Variants in SATB2 observed in about 807,000 individuals in gnomAD.
SATB2 encodes the protein DNA-binding protein SATB2.
A neutral mutation model predicts 73.4 loss-of-function variants in SATB2; 1 was observed. The observed-to-expected ratio is 0.01, with a 90% confidence interval of 0.00 to 0.06. The LOEUF (loss-of-function observed/expected upper bound fraction) is 0.06, where lower values mean the gene tolerates loss of function less well. Ranked by LOEUF, SATB2 falls within the 10% of genes least tolerant of loss-of-function variation. SATB2 has a pLI of 1.00. For synonymous variants in SATB2, 397 were observed against 367.0 expected, an observed-to-expected ratio of 1.08 and a Z score of -0.93; for missense variants, 459 against 945.8, an observed-to-expected ratio of 0.49 and a Z score of 6.75.
intron 7 of SATB2, chr2:199,347,359 C>G (rs1688684321): frequency 6.6e-6 from 1 of 152,154 alleles, no homozygotes; most frequent in African/African-American, 2.4e-5. Context: ...GGGTTTTTCT[C>G]AGAAATCAGT....
At chr2:199,295,948 G>T (rs959530912) in intron 10 of SATB2, among the ~76,000 whole-genome samples, 2 of 152,106 alleles carry the variant, frequency 1.3e-5, no homozygotes, top group Non-Finnish European at 2.9e-5. Flanking sequence ...AATTGAAAGT[G>T]TGCTTTTCTA....
At chr2:199,404,934 T>C (rs1690586863) in intron 3 of SATB2, among the ~76,000 whole-genome samples, 1 of 152,120 alleles carries the variant, frequency 6.6e-6, no homozygotes, top group South Asian at 2.1e-4. Context: ...AACTGTAAAA[T>C]AAAATCTGTT....
Position 199,456,063 on chromosome 2 carries a change from C to T in SATB2, c.-26G>A, listed in dbSNP as rs1349321423. 3.9e-6 allele frequency: 6 copies of T among 1,543,616 alleles called. No individual in the cohort carries two copies. In the African/African-American group the frequency reaches 5.5e-5, roughly 14 times the overall value. On this transcript the variant is annotated 5_prime_UTR_variant, in exon 2 of 11. Coordinates refer to ENST00000417098, the MANE Select transcript of SATB2 (RefSeq NM_001172509.2). The stretch of plus-strand genomic sequence containing the variant: ...GCTGCTCCGACTCGGAGACAAAGTT[C>T]CCACCGGCAGGTCGCAATAAAACGC...
rs79303419 is a variant in SATB2, at chr2:199,382,020, T to C, written c.347-200A>G. ...ATACAGGAAGATGGGAAGGAAAGAATGAGGTTTAATCACAGACAATCAGTT... is the reference window on the plus strand; with the variant it reads ...ATACAGGAAGATGGGAAGGAAAGAACGAGGTTTAATCACAGACAATCAGTT... On this transcript the variant is annotated intron_variant, in intron 3 of 10. Transcript: ENST00000417098. Among the ~76,000 whole-genome samples the C allele has an allele frequency of 0.032, 4,938 of 152,250 alleles. 115 individuals carry two copies. The highest frequency in any genetic ancestry group is 0.055 in the Non-Finnish European group (3,712 of 67,996).
intron 10 of SATB2, among the ~76,000 whole-genome samples, chr2:199,273,249 A>G (rs1482703879): frequency 6.6e-6 from 1 of 152,212 alleles, no homozygotes; most frequent in African/African-American, 2.4e-5. Context: ...CTTTGTCAGG[A>G]AAGGGCAAGA....
At chr2:199,300,844 T>G (rs1178501746) in intron 10 of SATB2, among the ~76,000 whole-genome samples, 1 of 152,240 alleles carries the variant, frequency 6.6e-6, no homozygotes, top group South Asian at 2.1e-4. Flanking sequence ...AGGAAAAGAC[T>G]GAGCGAAGTG....
At chr2:199,436,241 A>G (rs934450436) in intron 2 of SATB2, among the ~76,000 whole-genome samples, 1 of 152,230 alleles carries the variant, frequency 6.6e-6, no homozygotes, top group Non-Finnish European at 1.5e-5. Flanking sequence ...TCAGTTAGAT[A>G]TGAAATATAA....
chr2:199,453,300 A>G (rs541833485), intron 2 of SATB2, among the ~76,000 whole-genome samples: 1 of 152,210 alleles, frequency 6.6e-6, no homozygotes, highest in Admixed American at 6.5e-5. Flanking sequence ...AAAGATTAAC[A>G]AATATGTACT....
At chr2:199,387,553 C>G (rs531721792) in intron 3 of SATB2, among the ~76,000 whole-genome samples, 26 of 152,182 alleles carry the variant, frequency 1.7e-4, no homozygotes, top group Non-Finnish European at 3.7e-4. Flanking sequence ...CATCTGCAAA[C>G]ATTTAGAAAA....
intron 3 of SATB2, among the ~76,000 whole-genome samples, chr2:199,421,596 G>A (rs1004861894): frequency 1.3e-5 from 2 of 152,172 alleles, no homozygotes; most frequent in Non-Finnish European, 2.9e-5. Context: ...GACTGTCATC[G>A]TGAAACTAGT....
upstream of SATB2, among the ~76,000 whole-genome samples, chr2:199,465,660 C>A (rs1368422496): frequency 6.6e-6 from 1 of 152,200 alleles, no homozygotes; most frequent in Non-Finnish European, 1.5e-5. Flanking sequence ...GGCACCTATA[C>A]AAAGTCTCTG....
At chr2:199,374,302 C>T (rs1352613815) in intron 5 of SATB2, among the ~76,000 whole-genome samples, 2 of 152,112 alleles carry the variant, frequency 1.3e-5, no homozygotes, top group East Asian at 3.9e-4. Context: ...TAAAGTAAAC[C>T]AGCACAAAAT....
intron 1 of SATB2, 140 bp from the exon 2 acceptor site, chr2:199,456,236 G>A (rs987218897): frequency 8.8e-5 from 58 of 660,564 alleles, no homozygotes; most frequent in African/African-American, 5.0e-4. Flanking sequence ...CGAGGGGCCC[G>A]AGCCGGGAAG....
intron 10 of SATB2, among the ~76,000 whole-genome samples, chr2:199,300,375 CA>C (rs754863048): frequency 0.032 from 3,319 of 104,492 alleles, 85 homozygotes; most frequent in African/African-American, 0.094. Flanking sequence ...ACCAAAATGT[CA>C]AAAAAAAAAA....
intron 2 of SATB2, among the ~76,000 whole-genome samples, chr2:199,447,069 C>A (rs1691985193): frequency 6.6e-6 from 1 of 152,118 alleles, no homozygotes; most frequent in Non-Finnish European, 1.5e-5. Context: ...CTCAGGTATC[C>A]CCACCCTAAG....
intron 3 of SATB2, among the ~76,000 whole-genome samples, chr2:199,406,981 A>T (rs1196281003): frequency 6.6e-6 from 1 of 152,126 alleles, no homozygotes; most frequent in African/African-American, 2.4e-5. Context: ...AATCCTTAAA[A>T]CTGCCTTAAA....
intron 7 of SATB2, among the ~76,000 whole-genome samples, chr2:199,344,649 C>T (rs1021341520): frequency 1.3e-5 from 2 of 152,208 alleles, no homozygotes; most frequent in East Asian, 3.9e-4. Context: ...TCCTTGCTCC[C>T]AGTCCTGAAG....
rs531948809 is a variant in SATB2, at chr2:199,401,522, C to T, written c.347-19702G>A. On this transcript the variant is annotated intron_variant, in intron 3 of 10. Coordinates refer to ENST00000417098, the MANE Select transcript of SATB2 (RefSeq NM_001172509.2). ...GAGCTGAGACGGCACCACTGCACTCCGAGCAAGACTCTGTCTCAAAAAAAA... is the reference window on the plus strand; with the variant it reads ...GAGCTGAGACGGCACCACTGCACTCTGAGCAAGACTCTGTCTCAAAAAAAA... Among the ~76,000 whole-genome samples the T allele has an allele frequency of 1.1e-4, 16 of 149,370 alleles. No individual in the cohort carries two copies. The East Asian group carries it at 2.6e-3, about 24-fold the overall frequency.
chr2:199,458,820 G>T, upstream of SATB2: 5 of 337,824 alleles, frequency 1.5e-5, no homozygotes, highest in South Asian at 1.0e-4. Flanking sequence ...GTGCCTGCGA[G>T]CTCCCCCTCC....
Sources: gnomAD v4.1 joint callset for allele counts (sites outside exome capture counted in the v4.1 genomes callset) on GRCh38, gnomAD v4.1.1 for gene constraint, MANE v1.5 for transcripts, NCBI Gene and HGNC (gene_info 2026-07-23, HGNC 2026-07-21) for gene names.